RREB1: variants seen among roughly 807,000 people sequenced by gnomAD.
The protein encoded by RREB1 is ras-responsive element-binding protein 1.
RREB1 carries 27 observed loss-of-function variants against 117.8 expected under a neutral mutation model. The observed-to-expected ratio is 0.23, with a 90% confidence interval of 0.17 to 0.32. RREB1 has a LOEUF of 0.32. Among genes scored for constraint, RREB1 ranks in the 10% least tolerant of loss-of-function variants. The probability of loss-of-function intolerance (pLI) is 1.00; values close to 1 mark genes in which losing one functional copy is unlikely to be tolerated. For missense variants in RREB1, 2,577 were observed against 2,378.2 expected (o/e 1.08, Z -1.74); for synonymous variants, 1,298 against 1,026.7 (o/e 1.26, Z -5.05).
rs1769346503 is a variant in RREB1 at position 7,250,127 on chromosome 6, G to T, written c.*1159G>T. On this transcript the variant is annotated 3_prime_UTR_variant, in exon 13 of 13. Coordinates refer to ENST00000379938, the MANE Select transcript of RREB1 (RefSeq NM_001003699.4). ...CCAGGGCCGTGCCTGGAGCACTGCA[G>T]AGATGACTTTGGAGAAAGCAAAGCA... is the stretch of plus-strand genomic sequence containing the variant. 1 of 152,608 alleles carries T rather than the reference G, an allele frequency of 6.6e-6. No homozygotes were observed. Among genetic ancestry groups the T allele is most frequent in the Non-Finnish European group, 1.5e-5 (1 of 68,048 alleles). 9.5% of individuals were successfully genotyped at this position (152,608 alleles called of 1,614,324 possible).
At position 7,237,551 on chromosome 6, in the gene RREB1, T is replaced by A. The variant is rs148084094; in HGVS notation, c.3809-2887T>A. ...CTGGCTGATGGTTTAAGCGCTCGCG[T>A]TGGGGCTTGCAGAATGCTGTAGGTC... On this transcript the variant is annotated intron_variant, in intron 10 of 12. Coordinates refer to ENST00000379938, the MANE Select transcript of RREB1 (RefSeq NM_001003699.4). Among the ~76,000 whole-genome samples the A allele has an allele frequency of 8.6e-3, 1,312 of 152,286 alleles. 29 individuals carry two copies. The highest frequency in any genetic ancestry group is 0.035 in the Admixed American group (533 of 15,300).
intron 1 of RREB1, among the ~76,000 whole-genome samples, chr6:7,132,415 G>A (rs1220526153): frequency 1.3e-5 from 2 of 152,042 alleles, no homozygotes; most frequent in African/African-American, 2.4e-5. Context: ...ATCCATCTAC[G>A]TTGGCCTTCT....
chr6:7,168,255 A>AAG (rs1491504835), intron 1 of RREB1, among the ~76,000 whole-genome samples: 5 of 83,836 alleles, frequency 6.0e-5, no homozygotes, highest in African/African-American at 4.0e-4. Flanking sequence ...ACTCCGTCTG[A>AAG]AAAAAAAAAA....
intron 1 of RREB1, among the ~76,000 whole-genome samples, chr6:7,140,203 T>G (rs2113381169): frequency 6.6e-6 from 1 of 152,374 alleles, no homozygotes; most frequent in South Asian, 2.1e-4. Context: ...TTTGTTCAGA[T>G]GCTGATTGGC....
At chr6:7,151,120 A>G (rs964807962) in intron 1 of RREB1, among the ~76,000 whole-genome samples, 1 of 152,222 alleles carries the variant, frequency 6.6e-6, no homozygotes, top group Non-Finnish European at 1.5e-5. Flanking sequence ...TACTGCGGAA[A>G]TTTGTTGGGT....
chr6:7,139,595 G>A (rs144806165), intron 1 of RREB1, among the ~76,000 whole-genome samples: 3 of 152,030 alleles, frequency 2.0e-5, no homozygotes, highest in East Asian at 1.9e-4. Context: ...ATAAATATTC[G>A]ACAATATAAC....
At chr6:7,165,580 T>C (rs971589393) in intron 1 of RREB1, among the ~76,000 whole-genome samples, 5 of 152,192 alleles carry the variant, frequency 3.3e-5, no homozygotes, top group African/African-American at 1.2e-4. Context: ...CTGGGTTACA[T>C]TAAATAGGCA....
chr6:7,221,694 C>T (rs1005560418), intron 8 of RREB1, among the ~76,000 whole-genome samples: 6 of 152,156 alleles, frequency 3.9e-5, no homozygotes, highest in African/African-American at 1.4e-4. Flanking sequence ...GCATGCACTT[C>T]TTTTCAGGAG....
At position 7,181,979 on chromosome 6, in the gene RREB1, C is replaced by T. The variant is rs752813281; in HGVS notation, c.68C>T (p.Ala23Val). Residue 23 changes from alanine to valine, a missense_variant, in exon 4 of 13, where the codon GCG becomes GTG. Ala to Val is a moderately conservative substitution (Grantham distance 64, BLOSUM62 0). Coordinates refer to ENST00000379938, the MANE Select transcript of RREB1 (RefSeq NM_001003699.4). The stretch of plus-strand genomic sequence containing the variant: ...TCTTCCATCAACACCATGATGTCGG[C>T]GGTCATGAGTGTAGGGAAGGTCACA... Reference protein sequence around the residue: ...DLSSINTMMSAVMSVGKVTEN... With the variant: ...DLSSINTMMSVVMSVGKVTEN... 1.5e-5 allele frequency: 24 copies of T among 1,614,016 alleles called. No individual in the cohort carries two copies. Among genetic ancestry groups the T allele is most frequent in the Non-Finnish European group, 2.0e-5 (24 of 1,179,972 alleles).
At chr6:7,120,339 A>T (rs1053095663) in intron 1 of RREB1, among the ~76,000 whole-genome samples, 2 of 152,058 alleles carry the variant, frequency 1.3e-5, no homozygotes, top group African/African-American at 4.8e-5. Context: ...CTGTAGTCCC[A>T]GATACTCAGG....
rs377638816 is a variant in RREB1, at chr6:7,231,006, C to G, written c.2907C>G (p.Pro969=). ...AGGAGGCGGGGAGCAGCGAGCAGCC[C>G]TCTCCCTGCCCAGCACCCGGCCCTT... is the stretch of plus-strand genomic sequence containing the variant. ...PEEEAGSSEQ[P]SPCPAPGPSL... Residue 969 remains proline, a synonymous_variant, in exon 10 of 13, where the codon CCC becomes CCG. Coordinates refer to ENST00000379938, the MANE Select transcript of RREB1 (RefSeq NM_001003699.4). 4 of 1,614,048 alleles carry G rather than the reference C, an allele frequency of 2.5e-6. No individual in the cohort carries two copies. Among genetic ancestry groups the G allele is most frequent in the African/African-American group, 2.7e-5 (2 of 74,946 alleles).
chr6:7,154,088 G>A (rs1354191610), intron 1 of RREB1, among the ~76,000 whole-genome samples: 1 of 152,208 alleles, frequency 6.6e-6, no homozygotes, highest in Non-Finnish European at 1.5e-5. Flanking sequence ...GGAAGAATAT[G>A]TGGATATTCT....
chr6:7,123,246 C>T (rs1230438771), intron 1 of RREB1, among the ~76,000 whole-genome samples: 1 of 152,124 alleles, frequency 6.6e-6, no homozygotes, highest in Non-Finnish European at 1.5e-5. Flanking sequence ...CAACTTCCAC[C>T]TCCCGGGTTC....
chr6:7,124,845 G>A (rs979547880), intron 1 of RREB1, among the ~76,000 whole-genome samples: 1 of 152,188 alleles, frequency 6.6e-6, no homozygotes, highest in African/African-American at 2.4e-5. Context: ...TGAGGAAATT[G>A]AGACCCAGAG....
At chr6:7,170,561 G>A (rs1446172889) in intron 1 of RREB1, among the ~76,000 whole-genome samples, 5 of 152,232 alleles carry the variant, frequency 3.3e-5, no homozygotes, top group Non-Finnish European at 5.9e-5. Flanking sequence ...TTAGGATCCA[G>A]GGCTGCGTGA....
intron 4 of RREB1, among the ~76,000 whole-genome samples, chr6:7,186,919 C>T (rs577526482): frequency 3.8e-4 from 58 of 152,294 alleles, no homozygotes; most frequent in African/African-American, 1.4e-3. Context: ...GGCATGCCCA[C>T]TGGGTGCACA....
intron 10 of RREB1, among the ~76,000 whole-genome samples, chr6:7,236,077 CT>C (rs1305289654): frequency 6.6e-6 from 1 of 152,200 alleles, no homozygotes; most frequent in Admixed American, 6.5e-5. Flanking sequence ...TTACCTTTCT[CT>C]ACCTAAACGC....
At chr6:7,233,402 A>G (rs1768119696) in intron 10 of RREB1, among the ~76,000 whole-genome samples, 1 of 152,226 alleles carries the variant, frequency 6.6e-6, no homozygotes, top group Non-Finnish European at 1.5e-5. Context: ...CTAAGCGCAA[A>G]TTAGTGAGAT....
rs1274700368 is a variant in RREB1 at position 7,227,554 on chromosome 6, T to TAAA, written c.897+898_897+899insAAA. Among the ~76,000 whole-genome samples, 187 of 129,288 alleles carry TAAA rather than the reference T, an allele frequency of 1.4e-3. 1 individual carries two copies. Among genetic ancestry groups the TAAA allele is most frequent in the African/African-American group, 5.6e-3 (168 of 30,196 alleles). 84.8% of individuals were successfully genotyped at this position (129,288 alleles called of 152,430 possible). ...AGACTCCGTCTAAGAAAAAAAAAAT[T>TAAA]TTTTTTTTAAATAAAATAAAAGTGG... On this transcript the variant is annotated intron_variant, in intron 9 of 12. Transcript: ENST00000379938.
Sources: allele counts gnomAD v4.1 joint callset (sites outside exome capture counted in the v4.1 genomes callset), GRCh38; gene constraint gnomAD v4.1.1; transcripts MANE v1.5; gene names NCBI Gene and HGNC (gene_info 2026-07-23, HGNC 2026-07-21).